Variants in ULK4 observed in about 807,000 individuals in gnomAD.
ULK4 encodes unc-51 like kinase 4, also known as inactive serine/threonine-protein kinase ULK4.
In ULK4, 133 loss-of-function variants were observed where a neutral mutation model predicts 160.6. The ratio of observed to expected loss-of-function variants is 0.83; its 90% CI spans 0.72 to 0.96. The LOEUF (loss-of-function observed/expected upper bound fraction) is 0.96. Ranked by LOEUF, ULK4 falls within the 40% of genes least tolerant of loss-of-function variation. The pLI is 0.00. For synonymous variants in ULK4, 534 were observed against 539.8 expected (o/e 0.99, Z 0.15); for missense variants, 1,580 against 1,499.5 (o/e 1.05, Z -0.89).
At chr3:41,344,752 CAAAAA>C (rs59466358) in intron 35 of ULK4, among the ~76,000 whole-genome samples, 1 of 62,820 alleles carries the variant, frequency 1.6e-5, no homozygotes, top group African/African-American at 6.0e-5. Flanking sequence ...GACTCTGTCT[CAAAAA>C]AAAAAAAAAA....
At chr3:41,369,860 A>C (rs1277665896) in intron 35 of ULK4, among the ~76,000 whole-genome samples, 2 of 152,106 alleles carry the variant, frequency 1.3e-5, no homozygotes, top group African/African-American at 4.8e-5. Context: ...GTCAGAAAAC[A>C]ATACTTTGTG....
intron 5 of ULK4, among the ~76,000 whole-genome samples, chr3:41,924,393 G>A (rs536187441): frequency 7.9e-5 from 12 of 152,284 alleles, no homozygotes; most frequent in African/African-American, 2.9e-4. Flanking sequence ...GGCTGATTCT[G>A]CCCTGCTGGT....
At chr3:41,471,057 A>G (rs1048004409) in intron 32 of ULK4, among the ~76,000 whole-genome samples, 4 of 142,118 alleles carry the variant, frequency 2.8e-5, no homozygotes, top group African/African-American at 1.0e-4. Flanking sequence ...CAAACAACAG[A>G]ACAAAAAACC....
At chr3:41,723,286 C>A (rs1023609521) in intron 22 of ULK4, among the ~76,000 whole-genome samples, 4 of 152,206 alleles carry the variant, frequency 2.6e-5, no homozygotes, top group South Asian at 4.1e-4. Context: ...GTCTTTTGCT[C>A]ATTCTCCCAT....
At chr3:41,807,433 T>C (rs924672024) in intron 19 of ULK4, among the ~76,000 whole-genome samples, 5 of 152,188 alleles carry the variant, frequency 3.3e-5, no homozygotes, top group African/African-American at 9.6e-5. Context: ...ATTTTTCATA[T>C]AAAAACGTTT....
chr3:41,559,646 A>T (rs183974184), intron 32 of ULK4, among the ~76,000 whole-genome samples: 362 of 152,170 alleles, frequency 2.4e-3, no homozygotes, highest in East Asian at 0.013. Context: ...GCATTTTGTC[A>T]TGTGTGTTTT....
At chr3:41,826,931 T>C (rs1411635683) in intron 18 of ULK4, among the ~76,000 whole-genome samples, 1 of 142,384 alleles carries the variant, frequency 7.0e-6, no homozygotes, top group African/African-American at 2.8e-5. Context: ...TCAGCAAATG[T>C]AAAAGAACAG....
intron 34 of ULK4, among the ~76,000 whole-genome samples, chr3:41,448,691 C>T (rs574219977): frequency 2.1e-4 from 32 of 152,116 alleles, no homozygotes; most frequent in South Asian, 1.7e-3. Context: ...CTCATGGCAA[C>T]GAGGAGAAAA....
At chr3:41,603,588 CTTTT>C (rs1195846534) in intron 31 of ULK4, among the ~76,000 whole-genome samples, 1 of 150,970 alleles carries the variant, frequency 6.6e-6, no homozygotes, top group Non-Finnish European at 1.5e-5. Flanking sequence ...ATAGAATACA[CTTTT>C]TTTTTCAGGC....
At chr3:41,372,527 A>G (rs1296355738) in intron 35 of ULK4, among the ~76,000 whole-genome samples, 5 of 152,212 alleles carry the variant, frequency 3.3e-5, no homozygotes, top group Non-Finnish European at 7.4e-5. Context: ...AGAATTTCAT[A>G]TCCAGCCAAA....
chr3:41,663,093 C>T (rs2035236456), intron 30 of ULK4, among the ~76,000 whole-genome samples: 6 of 151,522 alleles, frequency 4.0e-5, no homozygotes, highest in Admixed American at 3.9e-4. Flanking sequence ...TGGCGGCGGG[C>T]ACCTGTAATC....
intron 35 of ULK4, among the ~76,000 whole-genome samples, chr3:41,265,996 C>A (rs2079025416): frequency 6.6e-6 from 1 of 152,166 alleles, no homozygotes; most frequent in Admixed American, 6.5e-5. Flanking sequence ...CCACACAGGA[C>A]CCAGCAGAAT....
chr3:41,819,642 C>T (rs1336337865), intron 18 of ULK4, 136 bp from the exon 19 acceptor site: 1 of 660,152 alleles, frequency 1.5e-6, no homozygotes, highest in African/African-American at 1.8e-5. Flanking sequence ...TACTTACTAT[C>T]TGATGATAAC....
intron 29 of ULK4, among the ~76,000 whole-genome samples, chr3:41,678,263 A>G (rs1294312112): frequency 6.6e-6 from 1 of 151,990 alleles, no homozygotes; most frequent in Admixed American, 6.6e-5. Context: ...GAGAGCCATC[A>G]TACAGATATT....
intron 18 of ULK4, among the ~76,000 whole-genome samples, chr3:41,832,473 C>A (rs935381972): frequency 4.6e-5 from 7 of 152,164 alleles, no homozygotes; most frequent in East Asian, 1.9e-4. Flanking sequence ...CAAAAATTTT[C>A]TCCCATTCTG....
chr3:41,681,907 T>TG lies in ULK4; in HGVS notation c.2782-104dup. The TG allele has an allele frequency of 3.2e-6, 4 of 1,257,524 alleles. No individual in the cohort carries two copies. In the South Asian group the frequency reaches 5.3e-5, roughly 17 times the overall value. The allele number at this position is 1,257,524 out of a possible 1,614,324, so 77.9% of individuals were successfully genotyped here. Reference sequence around the variant, plus strand: ...CAGACAGAATCCCTAATCAAAGGAGTGAAAAAAAGCAACGGCTAAGTTTAT... The same window carrying TG: ...CAGACAGAATCCCTAATCAAAGGAGTGGAAAAAAAGCAACGGCTAAGTTTAT... On this transcript the variant is annotated intron_variant, in intron 27 of 36. Coordinates refer to ENST00000301831, the MANE Select transcript of ULK4 (RefSeq NM_017886.4).
chr3:41,873,872 GTTTT>G (rs56104260), intron 17 of ULK4, among the ~76,000 whole-genome samples: 2 of 148,406 alleles, frequency 1.3e-5, no homozygotes, highest in African/African-American at 2.5e-5. Context: ...TGTTTTTGTG[GTTTT>G]TTTTGTTTTT....
At chr3:41,725,752 T>C (rs1335963850) in intron 22 of ULK4, among the ~76,000 whole-genome samples, 6 of 152,204 alleles carry the variant, frequency 3.9e-5, no homozygotes, top group African/African-American at 1.4e-4. Flanking sequence ...CTACTTTCTA[T>C]TGAGTATTAG....
Position 41,897,017 on chromosome 3 carries a change from A to G in ULK4, c.1349-14T>C. The G allele has an allele frequency of 5.7e-6, 9 of 1,591,994 alleles. No homozygotes were observed. The highest frequency in any genetic ancestry group is 7.7e-6 in the Non-Finnish European group (9 of 1,167,240). On this transcript the variant is annotated splice_polypyrimidine_tract_variant and intron_variant, in intron 14 of 36. Coordinates refer to ENST00000301831, the MANE Select transcript of ULK4 (RefSeq NM_017886.4). ...ATAACTTATCCACTGCGATGGAAAG[A>G]AAATAATAAAAGTACATATGATGAG...
Sources: gnomAD v4.1 joint callset for allele counts (sites outside exome capture counted in the v4.1 genomes callset) on GRCh38, gnomAD v4.1.1 for gene constraint, MANE v1.5 for transcripts, NCBI Gene and HGNC (gene_info 2026-07-23, HGNC 2026-07-21) for gene names.